Variants in FBXO22 observed in about 807,000 individuals in gnomAD.
FBXO22 encodes the protein F-box protein 22, also known as F-box only protein 22.
FBXO22 carries 13 observed loss-of-function variants against 37.2 expected under a neutral mutation model. That is an observed-to-expected ratio of 0.35 (90% CI 0.23 to 0.56). The LOEUF (loss-of-function observed/expected upper bound fraction) is 0.56. Among genes scored for constraint, FBXO22 ranks in the 20% least tolerant of loss-of-function variants. The pLI, the probability that FBXO22 is intolerant of heterozygous loss-of-function variation, is 0.87. For missense variants in FBXO22, 446 were observed against 509.9 expected, an observed-to-expected ratio of 0.87 and a Z score of 1.21; for synonymous variants, 189 against 189.1, an observed-to-expected ratio of 1.00 and a Z score of 0.00.
intron 6 of FBXO22, chr15:75,930,854 A>G (rs1205764365): frequency 1.0e-6 from 1 of 984,292 alleles, no homozygotes; most frequent in Non-Finnish European, 1.2e-6. Context: ...ACATGGGGAC[A>G]GACTGTTGCA....
intron 1 of FBXO22, 88 bp downstream of exon 1, chr15:75,904,191 G>A: frequency 6.9e-7 from 1 of 1,442,972 alleles, no homozygotes; most frequent in Non-Finnish European, 9.2e-7. Flanking sequence ...AGAGACCCTT[G>A]GGACCCACCA....
chr15:75,939,298 A>G lies in FBXO22; in HGVS notation c.*6196A>G, dbSNP rs962288487. 2.0e-5 allele frequency: 3 copies of G among 152,186 alleles called. No homozygotes were observed. Among genetic ancestry groups the G allele is most frequent in the Non-Finnish European group, 4.4e-5 (3 of 68,008 alleles). The allele number at this position is 152,186 out of a possible 1,614,324, so 9.4% of individuals were successfully genotyped here. A position where few individuals can be genotyped will look rare whatever the true frequency, so the allele number is the denominator to read the frequency against. On this transcript the variant is annotated 3_prime_UTR_variant, in exon 7 of 7. Coordinates refer to ENST00000308275, the MANE Select transcript of FBXO22 (RefSeq NM_147188.3). ...AGAAAAATGAAAAGGGTTATAGAAG[A>G]ATACCTTCGACAATCTAGATGAAAT...
At position 75,940,606 on chromosome 15, in the gene FBXO22, T is replaced by C. The variant is rs1011401607; in HGVS notation, c.*7504T>C. The C allele has an allele frequency of 2.6e-5, 4 of 152,132 alleles. No individual in the cohort carries two copies. Among genetic ancestry groups the C allele is most frequent in the Non-Finnish European group, 5.9e-5 (4 of 67,988 alleles). 9.4% of individuals were successfully genotyped at this position (152,132 alleles called of 1,614,324 possible). A position where few individuals can be genotyped will look rare whatever the true frequency, so the allele number is the denominator to read the frequency against. On this transcript the variant is annotated 3_prime_UTR_variant, in exon 7 of 7. Transcript: ENST00000308275. ...TTTAAAACTTACTATAATGCTACAG[T>C]AATCAAAACAATGTGATTCTGGCAT...
Position 75,933,793 on chromosome 15 carries a change from G to A in FBXO22, c.*691G>A. The A allele has an allele frequency of 3.7e-6, 1 of 268,258 alleles. No homozygotes were observed. Among genetic ancestry groups the A allele is most frequent in the South Asian group, 3.3e-5 (1 of 30,648 alleles). 16.6% of individuals were successfully genotyped at this position (268,258 alleles called of 1,614,324 possible). A position where few individuals can be genotyped will look rare whatever the true frequency, so the allele number is the denominator to read the frequency against. On this transcript the variant is annotated 3_prime_UTR_variant, in exon 7 of 7. Transcript: ENST00000308275. ...CCAGAGTATTACATCATCTTATTTTGGTTTTATACCAATAAAACATAGCGT... is the reference window on the plus strand; with the variant it reads ...CCAGAGTATTACATCATCTTATTTTAGTTTTATACCAATAAAACATAGCGT...
rs2030706820 is a variant in FBXO22, at chr15:75,939,397, T to C, written c.*6295T>C. On this transcript the variant is annotated 3_prime_UTR_variant, in exon 7 of 7. Coordinates refer to ENST00000308275, the MANE Select transcript of FBXO22 (RefSeq NM_147188.3). ...AAATTTAAAAATCTCAATAGAACTA[T>C]AACCAGTAAGGTAATTGAATTAGTA... 2.0e-5 allele frequency: 3 copies of C among 152,130 alleles called. No individual in the cohort carries two copies. Among genetic ancestry groups the C allele is most frequent in the Admixed American group, 1.3e-4 (2 of 15,280 alleles). The allele number at this position is 152,130 out of a possible 1,614,324, so 9.4% of individuals were successfully genotyped here. A position where few individuals can be genotyped will look rare whatever the true frequency, so the allele number is the denominator to read the frequency against.
intron 3 of FBXO22, 140 bp downstream of exon 3, chr15:75,913,430 C>G (rs1900113614): frequency 1.8e-6 from 1 of 556,872 alleles, no homozygotes; most frequent in Non-Finnish European, 3.2e-6. Context: ...ATCAATATAT[C>G]TATCTTTGAA....
At chr15:75,920,706 C>T (rs1053116208) in intron 5 of FBXO22, among the ~76,000 whole-genome samples, 2 of 151,932 alleles carry the variant, frequency 1.3e-5, no homozygotes, top group African/African-American at 2.4e-5. Context: ...ACCTGTAGTC[C>T]CAGCTACTTA....
chr15:75,907,229 C>T (rs1899949108), intron 2 of FBXO22, among the ~76,000 whole-genome samples: 1 of 152,124 alleles, frequency 6.6e-6, no homozygotes, highest in South Asian at 2.1e-4. Context: ...AGCTACTCAA[C>T]CTCTCTGAGC....
chr15:75,923,892 T>C (rs1900383677), intron 5 of FBXO22, among the ~76,000 whole-genome samples: 2 of 151,958 alleles, frequency 1.3e-5, no homozygotes, highest in African/African-American at 4.8e-5. Flanking sequence ...AAGATGAAGT[T>C]TGGGGCTGAA....
chr15:75,912,019 A>C (rs1900065877), intron 2 of FBXO22, among the ~76,000 whole-genome samples: 1 of 151,472 alleles, frequency 6.6e-6, no homozygotes, highest in Non-Finnish European at 1.5e-5. Context: ...CTATTGAGAT[A>C]CTCGTGGTTT....
Position 75,933,234 on chromosome 15 carries a change from AAGAT to A in FBXO22, c.*133_*136del. 1.4e-6 allele frequency: 1 copy of A among 728,964 alleles called. No homozygotes were observed. Among genetic ancestry groups the A allele is most frequent in the Non-Finnish European group, 2.2e-6 (1 of 452,402 alleles). The allele number at this position is 728,964 out of a possible 1,614,324, so 45.2% of individuals were successfully genotyped here. A position where few individuals can be genotyped will look rare whatever the true frequency, so the allele number is the denominator to read the frequency against. ...TTTTTGTAGCTTTGATTGATGCTCT[AAGAT>A]CACATGAGGGTAGTATTTAATATAT... On this transcript the variant is annotated 3_prime_UTR_variant, in exon 7 of 7. Transcript: ENST00000308275.
intron 5 of FBXO22, among the ~76,000 whole-genome samples, chr15:75,917,879 A>C (rs1900223226): frequency 6.6e-6 from 1 of 152,234 alleles, no homozygotes; most frequent in Non-Finnish European, 1.5e-5. Context: ...TATATGAGTT[A>C]AGGCAAGTCT....
At chr15:75,921,379 T>C (rs1310822787) in intron 5 of FBXO22, among the ~76,000 whole-genome samples, 1 of 152,106 alleles carries the variant, frequency 6.6e-6, no homozygotes, top group Non-Finnish European at 1.5e-5. Flanking sequence ...CATTTTTGTT[T>C]GGCCGGGCAC....
chr15:75,912,447 A>C (rs189048246), intron 2 of FBXO22, among the ~76,000 whole-genome samples: 106 of 152,014 alleles, frequency 7.0e-4, no homozygotes, highest in Admixed American at 6.8e-3. Flanking sequence ...CAATTTCAGA[A>C]CTTGTTATTG....
At chr15:75,927,040 A>G (rs1900459926) in intron 5 of FBXO22, among the ~76,000 whole-genome samples, 1 of 152,078 alleles carries the variant, frequency 6.6e-6, no homozygotes, top group African/African-American at 2.4e-5. Flanking sequence ...GCCAGCAAAG[A>G]TTTTCCTTAT....
intron 1 of FBXO22, 71 bp downstream of exon 1, chr15:75,904,174 T>TG: frequency 2.7e-6 from 4 of 1,465,668 alleles, no homozygotes; most frequent in Non-Finnish European, 1.8e-6. Context: ...GCTGGCGGGG[T>TG]GGGGGGAGAG....
chr15:75,937,072 A>G lies in FBXO22; in HGVS notation c.*3970A>G, dbSNP rs1408590561. On this transcript the variant is annotated 3_prime_UTR_variant, in exon 7 of 7. Coordinates refer to ENST00000308275, the MANE Select transcript of FBXO22 (RefSeq NM_147188.3). ...TTTTTCTAATTATGACTAAAATTTA[A>G]TCACTATACTTAATAAACATACTCT... The G allele has an allele frequency of 6.6e-6, 1 of 152,108 alleles. No individual in the cohort carries two copies. The highest frequency in any genetic ancestry group is 6.6e-5 in the Admixed American group (1 of 15,264). The allele number at this position is 152,108 out of a possible 1,614,324, so 9.4% of individuals were successfully genotyped here.
At chr15:75,923,041 G>C (rs1199171528) in intron 5 of FBXO22, among the ~76,000 whole-genome samples, 2 of 152,222 alleles carry the variant, frequency 1.3e-5, no homozygotes, top group African/African-American at 4.8e-5. Context: ...CCTTTTGTGT[G>C]CTGCCTTTTT....
At position 75,940,009 on chromosome 15, in the gene FBXO22, C is replaced by T. The variant is rs1308379416; in HGVS notation, c.*6907C>T. 1 of 151,848 alleles carries T rather than the reference C, an allele frequency of 6.6e-6. No homozygotes were observed. The highest frequency in any genetic ancestry group is 1.9e-4 in the East Asian group (1 of 5,182). The allele number at this position is 151,848 out of a possible 1,614,324, so 9.4% of individuals were successfully genotyped here. A position where few individuals can be genotyped will look rare whatever the true frequency, so the allele number is the denominator to read the frequency against. On this transcript the variant is annotated 3_prime_UTR_variant, in exon 7 of 7. Transcript: ENST00000308275. ...TTCAACACAGTACTAGGAGTTCTAGCCTGAGCTAGAAAAAGAAAAGACATC... is the reference window on the plus strand; with the variant it reads ...TTCAACACAGTACTAGGAGTTCTAGTCTGAGCTAGAAAAAGAAAAGACATC...
Sources: gnomAD v4.1 joint callset for allele counts (sites outside exome capture counted in the v4.1 genomes callset) on GRCh38, gnomAD v4.1.1 for gene constraint, MANE v1.5 for transcripts, NCBI Gene and HGNC (gene_info 2026-07-23, HGNC 2026-07-21) for gene names.